RABGEF1: variants seen among roughly 807,000 people sequenced by gnomAD.
The protein encoded by RABGEF1 is rab5 GDP/GTP exchange factor.
RABGEF1 carries 26 observed loss-of-function variants against 57.3 expected under a neutral mutation model. The ratio of observed to expected loss-of-function variants is 0.45; its 90% CI spans 0.33 to 0.63. RABGEF1 has a LOEUF of 0.63. Ranked by LOEUF, RABGEF1 falls within the 20% of genes least tolerant of loss-of-function variation. RABGEF1 has a pLI of 0.02. For missense variants in RABGEF1, 464 were observed against 607.6 expected (o/e 0.76, Z 2.48); for synonymous variants, 185 against 210.7 (o/e 0.88, Z 1.06).
intron 1 of RABGEF1, among the ~76,000 whole-genome samples, chr7:66,757,332 T>A (rs1802995183): frequency 6.6e-6 from 1 of 152,254 alleles, no homozygotes; most frequent in African/African-American, 2.4e-5. Context: ...ATCTAGCTTA[T>A]TTCACATAAA....
chr7:66,670,894 T>TACGCACACAC, the RABGEF1 span, among the ~76,000 whole-genome samples: 10 of 145,592 alleles, frequency 6.9e-5, no homozygotes, highest in African/African-American at 2.5e-4. Flanking sequence ...CACATACGTA[T>TACGCACACAC]ACACACACAC....
chr7:66,722,106 A>G (rs2117526807), intron 2 of RABGEF1, among the ~76,000 whole-genome samples: 1 of 152,220 alleles, frequency 6.6e-6, no homozygotes, highest in East Asian at 1.9e-4. Flanking sequence ...TCAGGGAGCC[A>G]TGATTGTTTC....
chr7:66,744,704 G>A (rs1799811063), intron 1 of RABGEF1, among the ~76,000 whole-genome samples: 1 of 148,124 alleles, frequency 6.8e-6, no homozygotes, highest in African/African-American at 2.5e-5. Flanking sequence ...TGACGTGAAT[G>A]TATACTCATT....
intron 1 of RABGEF1, among the ~76,000 whole-genome samples, chr7:66,709,008 T>C (rs1398045914): frequency 1.3e-5 from 2 of 151,992 alleles, no homozygotes; most frequent in Non-Finnish European, 2.9e-5. Flanking sequence ...TATGACCTTA[T>C]TTTAATTTTT....
At position 66,749,908 on chromosome 7, in the gene RABGEF1, A is replaced by G. The variant is rs1171343933; in HGVS notation, c.-18+9116A>G. ...AGAATCGCTGGAACCTGGGAGGCGGAGCTTGCAGTGAGCCGAGATCGCACC... is the reference window on the plus strand; with the variant it reads ...AGAATCGCTGGAACCTGGGAGGCGGGGCTTGCAGTGAGCCGAGATCGCACC... On this transcript the variant is annotated intron_variant, in intron 1 of 8. Transcript: ENST00000284957. 2.0e-5 allele frequency among the ~76,000 whole-genome samples: 3 copies of G among 152,296 alleles called. No individual in the cohort carries two copies. The East Asian group carries it at 5.8e-4, about 29-fold the overall frequency.
the RABGEF1 span, among the ~76,000 whole-genome samples, chr7:66,673,980 G>A: frequency 4.6e-5 from 7 of 152,172 alleles, no homozygotes; most frequent in Admixed American, 2.0e-4. Context: ...GAACGAGTTC[G>A]TTCAGATATT....
chr7:66,788,750 G>A (rs985093712), intron 4 of RABGEF1, among the ~76,000 whole-genome samples: 2 of 151,854 alleles, frequency 1.3e-5, no homozygotes, highest in African/African-American at 4.8e-5. Flanking sequence ...AAGCCAATGC[G>A]GGTGGATCAC....
intron 3 of RABGEF1, among the ~76,000 whole-genome samples, chr7:66,783,218 T>C (rs1328922399): frequency 2.0e-5 from 3 of 152,220 alleles, no homozygotes; most frequent in Non-Finnish European, 4.4e-5. Flanking sequence ...TAACCTTTGC[T>C]TTTTTCTCAA....
the RABGEF1 span, among the ~76,000 whole-genome samples, chr7:66,675,821 T>C: frequency 6.6e-6 from 1 of 152,180 alleles, no homozygotes; most frequent in Non-Finnish European, 1.5e-5. Flanking sequence ...GAACATTTCA[T>C]GTATGACAGC....
intron 1 of RABGEF1, among the ~76,000 whole-genome samples, chr7:66,753,440 G>A (rs1156233918): frequency 6.6e-6 from 1 of 152,164 alleles, no homozygotes; most frequent in African/African-American, 2.4e-5. Context: ...CAGGGCTGCT[G>A]TAAAATATTA....
chr7:66,803,762 G>C (rs187353153), intron 7 of RABGEF1, among the ~76,000 whole-genome samples: 383 of 152,072 alleles, frequency 2.5e-3, no homozygotes, highest in Non-Finnish European at 3.9e-3. Context: ...GGTGGTGCGT[G>C]CCTGTAGTCC....
At chr7:66,704,538 C>G (rs951425203) in intron 1 of RABGEF1, among the ~76,000 whole-genome samples, 1 of 152,052 alleles carries the variant, frequency 6.6e-6, no homozygotes, top group East Asian at 1.9e-4. Flanking sequence ...CGGCCAGGTG[C>G]GGTGGCTCAC....
intron 3 of RABGEF1, among the ~76,000 whole-genome samples, chr7:66,782,122 T>C (rs1472668048): frequency 1.3e-5 from 2 of 152,238 alleles, no homozygotes; most frequent in African/African-American, 4.8e-5. Context: ...ATCATACCGA[T>C]GTCAACACAA....
the RABGEF1 span, among the ~76,000 whole-genome samples, chr7:66,659,607 C>T: frequency 1.3e-5 from 2 of 151,848 alleles, no homozygotes; most frequent in Non-Finnish European, 2.9e-5. Flanking sequence ...TAGTGAAACC[C>T]CACCTCTACC....
rs1385365091 is a variant in RABGEF1, at chr7:66,809,215, T to A, written c.1407T>A (p.Ala469=). The change falls in exon 9 of 9, where the codon GCT becomes GCA. Residue 469 remains alanine, a synonymous_variant. Transcript: ENST00000284957. ...EIKPPNQPLA[A]IDSENVENDK... is the part of the protein sequence containing the mutation. ...AGCCTCCGAATCAACCGTTAGCAGCTATTGACTCTGAAAACGTTGAAAATG... is the reference window on the plus strand; with the variant it reads ...AGCCTCCGAATCAACCGTTAGCAGCAATTGACTCTGAAAACGTTGAAAATG... 6.2e-7 allele frequency: 1 copy of A among 1,613,932 alleles called. No homozygotes were observed. Among genetic ancestry groups the A allele is most frequent in the Admixed American group, 1.7e-5 (1 of 59,998 alleles).
chr7:66,705,122 C>T (rs566784606), intron 1 of RABGEF1, among the ~76,000 whole-genome samples: 24 of 152,086 alleles, frequency 1.6e-4, no homozygotes, highest in South Asian at 1.5e-3. Flanking sequence ...AATAGATGGC[C>T]GGGCGCGGTG....
intron 1 of RABGEF1, among the ~76,000 whole-genome samples, chr7:66,767,365 G>A (rs1400425386): frequency 3.3e-5 from 5 of 151,800 alleles, no homozygotes; most frequent in African/African-American, 1.2e-4. Context: ...AATGGTCTGC[G>A]AATTTTTAAA....
At chr7:66,775,673 C>G (rs1247714681) in intron 3 of RABGEF1, among the ~76,000 whole-genome samples, 1 of 152,182 alleles carries the variant, frequency 6.6e-6, no homozygotes, top group Non-Finnish European at 1.5e-5. Flanking sequence ...AAATGACTAT[C>G]TCTTTGGATG....
At chr7:66,670,894 T>TATAC in the RABGEF1 span, among the ~76,000 whole-genome samples, 5,038 of 145,670 alleles carry the variant, frequency 0.035, 128 homozygotes, top group Middle Eastern at 0.079. Flanking sequence ...CACATACGTA[T>TATAC]ACACACACAC....
Sources: gnomAD v4.1 joint callset for allele counts (sites outside exome capture counted in the v4.1 genomes callset) on GRCh38, gnomAD v4.1.1 for gene constraint, MANE v1.5 for transcripts, NCBI Gene and HGNC (gene_info 2026-07-23, HGNC 2026-07-21) for gene names.